MLLT3: variants seen among roughly 807,000 people sequenced by gnomAD.
MLLT3 encodes the protein protein AF-9.
In MLLT3, 4 loss-of-function variants were observed where a neutral mutation model predicts 53.2. The ratio of observed to expected loss-of-function variants is 0.08; its 90% CI spans 0.04 to 0.17. MLLT3 has a LOEUF of 0.17. Ranked by LOEUF, MLLT3 falls within the 10% of genes least tolerant of loss-of-function variation. The pLI is 1.00. For missense variants in MLLT3, 569 were observed against 684.0 expected (o/e 0.83, Z 1.87); for synonymous variants, 283 against 230.6 (o/e 1.23, Z -2.06).
At chr9:20,482,994 A>G (rs28723376) in intron 2 of MLLT3, among the ~76,000 whole-genome samples, 2 of 152,198 alleles carry the variant, frequency 1.3e-5, no homozygotes, top group South Asian at 4.1e-4. Context: ...TTAGGATTGT[A>G]CAGTACTACT....
At chr9:20,444,673 G>C (rs1823646329) in intron 4 of MLLT3, among the ~76,000 whole-genome samples, 1 of 151,986 alleles carries the variant, frequency 6.6e-6, no homozygotes, top group African/African-American at 2.4e-5. Flanking sequence ...AGGAGTTCAA[G>C]ATCAGCCTTG....
intron 2 of MLLT3, among the ~76,000 whole-genome samples, chr9:20,465,193 T>TA (rs1201622805): frequency 6.6e-6 from 1 of 151,836 alleles, no homozygotes; most frequent in African/African-American, 2.4e-5. Context: ...GGGAGGGAAA[T>TA]AGTGTTGCAG....
rs556696333 is a variant in MLLT3, at chr9:20,458,489, T to C, written c.194-1703A>G. Among the ~76,000 whole-genome samples the C allele has an allele frequency of 1.1e-4, 16 of 152,314 alleles. No individual in the cohort carries two copies. The South Asian group carries it at 2.7e-3, about 26-fold the overall frequency. ...AACAAGGTGACCGTTACGAACTGAA[T>C]GTTTGTATTCCCCTAAACCTCGTAA... On this transcript the variant is annotated intron_variant, in intron 2 of 10. Transcript: ENST00000380338.
intron 5 of MLLT3, among the ~76,000 whole-genome samples, chr9:20,368,687 A>G (rs1235067534): frequency 6.6e-6 from 1 of 152,176 alleles, no homozygotes; most frequent in Admixed American, 6.5e-5. Context: ...CTGATCACCA[A>G]AAAACCCACA....
Position 20,371,645 on chromosome 9 carries a change from C to T in MLLT3, c.1126-5901G>A, listed in dbSNP as rs542683717. On this transcript the variant is annotated intron_variant, in intron 5 of 10. Transcript: ENST00000380338. ...GACCTACTACTCACAATAAAAGATC[C>T]GTTTCAAAATATTATTGCTCATTGA... Among the ~76,000 whole-genome samples the T allele has an allele frequency of 5.9e-5, 9 of 152,268 alleles. No individual in the cohort carries two copies. In the East Asian group the frequency reaches 7.7e-4, roughly 13 times the overall value.
chr9:20,371,225 T>C (rs1821592358), intron 5 of MLLT3, among the ~76,000 whole-genome samples: 1 of 152,210 alleles, frequency 6.6e-6, no homozygotes, highest in Non-Finnish European at 1.5e-5. Context: ...AAGTGCAAGT[T>C]GAAGCAGCAA....
At chr9:20,502,762 T>G (rs1825279578) in intron 2 of MLLT3, among the ~76,000 whole-genome samples, 1 of 152,220 alleles carries the variant, frequency 6.6e-6, no homozygotes, top group African/African-American at 2.4e-5. Context: ...ACCAATCCCC[T>G]GCAGATACTG....
intron 2 of MLLT3, among the ~76,000 whole-genome samples, chr9:20,542,352 G>A (rs13288042): frequency 6.7e-5 from 10 of 149,546 alleles, no homozygotes; most frequent in African/African-American, 9.9e-5. Flanking sequence ...CCAGGTTCAC[G>A]CCATTCTCCT....
chr9:20,415,209 A>G (rs1822841673), intron 4 of MLLT3, among the ~76,000 whole-genome samples: 1 of 152,172 alleles, frequency 6.6e-6, no homozygotes, highest in Admixed American at 6.5e-5. Context: ...TGTATCTCTC[A>G]CCCACTAGGA....
intron 4 of MLLT3, among the ~76,000 whole-genome samples, chr9:20,444,783 GATC>G (rs1823650834): frequency 6.6e-6 from 1 of 152,038 alleles, no homozygotes; most frequent in African/African-American, 2.4e-5. Context: ...GAGGTGGGAG[GATC>G]ACTTGAGCCC....
rs77734065 is a variant in MLLT3 at position 20,356,200 on chromosome 9, G to A, written c.1432-1321C>T. On this transcript the variant is annotated intron_variant, in intron 8 of 10. Coordinates refer to ENST00000380338, the MANE Select transcript of MLLT3 (RefSeq NM_004529.4). ...TTTATTTTAATTGAGAATAATGCAC[G>A]AGTAAAAAGTGTCCTTTTAACAGTC... Among the ~76,000 whole-genome samples, 24 of 152,222 alleles carry A rather than the reference G, an allele frequency of 1.6e-4. No individual in the cohort carries two copies. In the South Asian group the frequency reaches 2.3e-3, roughly 14 times the overall value.
At chr9:20,487,867 G>C (rs946607320) in intron 2 of MLLT3, among the ~76,000 whole-genome samples, 15 of 152,200 alleles carry the variant, frequency 9.9e-5, no homozygotes, top group African/African-American at 3.6e-4. Flanking sequence ...TAGTATTTGA[G>C]AGAGATGAAT....
intron 8 of MLLT3, among the ~76,000 whole-genome samples, chr9:20,357,366 C>G (rs755479451): frequency 6.6e-6 from 1 of 152,214 alleles, no homozygotes; most frequent in Non-Finnish European, 1.5e-5. Flanking sequence ...TGACGCAACA[C>G]TCTTTATTAT....
intron 8 of MLLT3, among the ~76,000 whole-genome samples, chr9:20,357,573 C>T (rs896899478): frequency 1.3e-5 from 2 of 152,184 alleles, no homozygotes; most frequent in African/African-American, 4.8e-5. Flanking sequence ...CTCAGTTATT[C>T]ACAGATGGAT....
intron 2 of MLLT3, among the ~76,000 whole-genome samples, chr9:20,567,695 G>C (rs1356725693): frequency 2.6e-5 from 4 of 152,150 alleles, no homozygotes; most frequent in African/African-American, 9.7e-5. Context: ...CAGTGACCAA[G>C]ACACAGGGTA....
At chr9:20,381,691 C>T (rs1188974972) in intron 5 of MLLT3, among the ~76,000 whole-genome samples, 1 of 151,700 alleles carries the variant, frequency 6.6e-6, no homozygotes, top group Non-Finnish European at 1.5e-5. Context: ...TTACCAAATA[C>T]CCTAGTGGTT....
At chr9:20,618,658 A>T (rs1264158984) in intron 2 of MLLT3, among the ~76,000 whole-genome samples, 1 of 152,222 alleles carries the variant, frequency 6.6e-6, no homozygotes, top group Admixed American at 6.5e-5. Context: ...GACCTCTGAG[A>T]AGTCATCACT....
intron 5 of MLLT3, among the ~76,000 whole-genome samples, chr9:20,380,052 T>C (rs951574470): frequency 6.6e-6 from 1 of 152,060 alleles, no homozygotes; most frequent in Non-Finnish European, 1.5e-5. Context: ...AGGCTATCTT[T>C]TGTCACTTAA....
At chr9:20,355,588 G>T (rs1239098495) in intron 8 of MLLT3, among the ~76,000 whole-genome samples, 2 of 152,132 alleles carry the variant, frequency 1.3e-5, no homozygotes, top group East Asian at 1.9e-4. Flanking sequence ...AATAAATGCA[G>T]CTGATTTCTT....
Sources: gnomAD v4.1 joint callset for allele counts (sites outside exome capture counted in the v4.1 genomes callset) on GRCh38, gnomAD v4.1.1 for gene constraint, MANE v1.5 for transcripts, NCBI Gene and HGNC (gene_info 2026-07-23, HGNC 2026-07-21) for gene names.